The following ZNF365 variants were observed in gnomAD, a reference collection of about 807,000 sequenced individuals.
The protein encoded by ZNF365 is protein ZNF365.
Under a neutral mutation model 35.0 loss-of-function variants are expected in ZNF365, and 22 were observed. That is an observed-to-expected ratio of 0.63 (90% confidence interval 0.45 to 0.90). The LOEUF (loss-of-function observed/expected upper bound fraction) is 0.90, where lower values mean the gene tolerates loss of function less well. ZNF365 is among the 40% of genes least tolerant of loss of function. The pLI is 0.00. For missense variants in ZNF365, 448 were observed against 500.3 expected, an observed-to-expected ratio of 0.90 and a Z score of 1.00; for synonymous variants, 188 against 196.2, an observed-to-expected ratio of 0.96 and a Z score of 0.35.
intron 3 of ZNF365, among the ~76,000 whole-genome samples, chr10:62,442,392 G>A (rs1002264939): frequency 6.6e-6 from 1 of 152,188 alleles, no homozygotes; most frequent in African/African-American, 2.4e-5. Flanking sequence ...CTATAGAACA[G>A]ATGAGATGAG....
chr10:62,442,032 C>T (rs1840509648), intron 3 of ZNF365, among the ~76,000 whole-genome samples: 1 of 152,176 alleles, frequency 6.6e-6, no homozygotes, highest in East Asian at 1.9e-4. Flanking sequence ...GCTGGGTAGA[C>T]ATGCTTAGCA....
intron 3 of ZNF365, among the ~76,000 whole-genome samples, chr10:62,432,968 A>G (rs1356440009): frequency 6.6e-6 from 1 of 152,206 alleles, no homozygotes; most frequent in African/African-American, 2.4e-5. Context: ...CTTTTCATTT[A>G]TCATGAGATT....
At chr10:62,464,014 A>G (rs1228136497) in intron 4 of ZNF365, among the ~76,000 whole-genome samples, 1 of 152,248 alleles carries the variant, frequency 6.6e-6, no homozygotes, top group African/African-American at 2.4e-5. Flanking sequence ...TATCAATAAA[A>G]AAACAAAAGT....
At chr10:62,414,723 T>C (rs1840046055) in intron 3 of ZNF365, among the ~76,000 whole-genome samples, 1 of 152,220 alleles carries the variant, frequency 6.6e-6, no homozygotes, top group Non-Finnish European at 1.5e-5. Context: ...TGTGATTTTA[T>C]TTGTATTCAT....
chr10:62,405,648 C>G (rs1017553524), downstream of ZNF365, among the ~76,000 whole-genome samples: 2 of 152,214 alleles, frequency 1.3e-5, no homozygotes, highest in Non-Finnish European at 1.5e-5. Flanking sequence ...TCTGTAAGCT[C>G]AAGACCTCTG....
Position 62,400,476 on chromosome 10 carries a change from T to C in ZNF365, c.*687T>C. ...AGATTTTGGTACACCTCTGCCGTCT[T>C]CTTTGGCTGAGTATTCTGCACCCAC... is the stretch of plus-strand genomic sequence containing the variant. On this transcript the variant is annotated 3_prime_UTR_variant, in exon 5 of 5. Transcript: ENST00000395254. The C allele has an allele frequency of 1.0e-6, 1 of 985,992 alleles. No individual in the cohort carries two copies. The highest frequency in any genetic ancestry group is 1.7e-5 in the African/African-American group (1 of 57,334). 61.1% of individuals were successfully genotyped at this position (985,992 alleles called of 1,614,324 possible). A position where few individuals can be genotyped will look rare whatever the true frequency, so the allele number is the denominator to read the frequency against.
intron 3 of ZNF365, among the ~76,000 whole-genome samples, chr10:62,458,664 G>A (rs1949355): frequency 0.42 from 63,828 of 151,836 alleles, 16,121 homozygotes; most frequent in Middle Eastern, 0.58. Context: ...AACCACTTGG[G>A]GAAAACAGGG....
chr10:62,475,900 T>G (rs1841123011), intron 4 of ZNF365, among the ~76,000 whole-genome samples: 2 of 152,182 alleles, frequency 1.3e-5, no homozygotes, highest in South Asian at 4.1e-4. Flanking sequence ...TAGCAGACTC[T>G]TGGCTGCCTA....
At chr10:62,447,315 T>C (rs910083564) in intron 3 of ZNF365, among the ~76,000 whole-genome samples, 2 of 152,184 alleles carry the variant, frequency 1.3e-5, no homozygotes. Flanking sequence ...TATATATTGT[T>C]TGTTTTTTAT....
intron 3 of ZNF365, among the ~76,000 whole-genome samples, chr10:62,435,844 C>T (rs914825217): frequency 4.6e-5 from 7 of 152,178 alleles, no homozygotes; most frequent in Non-Finnish European, 4.4e-5. Flanking sequence ...AAACAGCCTA[C>T]TCAAATTTGA....
chr10:62,451,448 T>C (rs1056703004), intron 3 of ZNF365, among the ~76,000 whole-genome samples: 4 of 151,994 alleles, frequency 2.6e-5, no homozygotes, highest in African/African-American at 9.7e-5. Context: ...ACTTGTTCTG[T>C]GGAGGGTGAG....
intron 3 of ZNF365, among the ~76,000 whole-genome samples, chr10:62,443,444 C>T (rs1225893124): frequency 6.6e-6 from 1 of 152,136 alleles, no homozygotes; most frequent in African/African-American, 2.4e-5. Context: ...GTTCCTCTGC[C>T]TTGTGTTTAG....
chr10:62,443,111 C>T (rs879941063), intron 3 of ZNF365, among the ~76,000 whole-genome samples: 1 of 152,234 alleles, frequency 6.6e-6, no homozygotes, highest in Non-Finnish European at 1.5e-5. Flanking sequence ...GTTTTTACCA[C>T]TGACCAGTGC....
chr10:62,480,119 T>C, exon 5 of ZNF365: 1 of 1,331,534 alleles, frequency 7.5e-7, no homozygotes, highest in Non-Finnish European at 9.7e-7. Flanking sequence ...GACTGCAGAC[T>C]TCCTGAGGGC....
chr10:62,382,372 G>A (rs1839454258), intron 2 of ZNF365, among the ~76,000 whole-genome samples: 1 of 152,110 alleles, frequency 6.6e-6, no homozygotes, highest in South Asian at 2.1e-4. Context: ...ATATAAATGG[G>A]GTCCTCTCTT....
chr10:62,379,986 A>T (rs1418796844), intron 2 of ZNF365, among the ~76,000 whole-genome samples: 11 of 152,018 alleles, frequency 7.2e-5, no homozygotes, highest in East Asian at 1.9e-4. Context: ...GATTTGGTTT[A>T]AAAAAAAGCA....
intron 3 of ZNF365, among the ~76,000 whole-genome samples, chr10:62,452,754 C>A (rs1840703759): frequency 6.6e-6 from 1 of 152,218 alleles, no homozygotes; most frequent in Admixed American, 6.5e-5. Flanking sequence ...AGTTTTTATT[C>A]TCTTGTATCT....
intron 4 of ZNF365, among the ~76,000 whole-genome samples, chr10:62,460,777 G>A (rs1840835106): frequency 6.6e-6 from 1 of 152,140 alleles, no homozygotes; most frequent in Admixed American, 6.5e-5. Context: ...TGTATGGGGA[G>A]GATTCTTCAC....
chr10:62,401,163 T>C lies in ZNF365; in HGVS notation c.*1374T>C. On this transcript the variant is annotated 3_prime_UTR_variant, in exon 5 of 5. Coordinates refer to ENST00000395254, the MANE Select transcript of ZNF365 (RefSeq NM_014951.3). ...ACATATATATAACACATACAAAATA[T>C]ATATGTTAAGTATATTAATAATTTA... 1 of 961,460 alleles carries C rather than the reference T, an allele frequency of 1.0e-6. No homozygotes were observed. Among genetic ancestry groups the C allele is most frequent in the Non-Finnish European group, 1.2e-6 (1 of 808,192 alleles). The allele number at this position is 961,460 out of a possible 1,614,324, so 59.6% of individuals were successfully genotyped here.
Sources: gnomAD v4.1 joint callset for allele counts (sites outside exome capture counted in the v4.1 genomes callset) on GRCh38, gnomAD v4.1.1 for gene constraint, MANE v1.5 for transcripts, NCBI Gene and HGNC (gene_info 2026-07-23, HGNC 2026-07-21) for gene names.